The following HEMK2 variants were observed in gnomAD, a reference collection of about 807,000 sequenced individuals.
The protein encoded by HEMK2 is HemK methyltransferase 2, ETF1 glutamine and histone H4 lysine, also known as methyltransferase HEMK2.
chr21:28,882,049 T>C, the HEMK2 span: 2 of 680,622 alleles, frequency 2.9e-6, no homozygotes, highest in Non-Finnish European at 2.3e-6. Context: ...ACTTTGTACA[T>C]GGTATACTGC....
At chr21:28,854,038 T>C in the HEMK2 span, among the ~76,000 whole-genome samples, 1,283 of 152,322 alleles carry the variant, frequency 8.4e-3, 17 homozygotes, top group African/African-American at 0.029. Context: ...CACTCAGGGC[T>C]ATCTTAGCAG....
At chr21:28,797,442 C>CAA in the HEMK2 span, among the ~76,000 whole-genome samples, 1 of 127,252 alleles carries the variant, frequency 7.9e-6, no homozygotes, top group African/African-American at 3.1e-5. Context: ...CCAAAAAAAA[C>CAA]AAAAAAAAAA....
the HEMK2 span, among the ~76,000 whole-genome samples, chr21:28,642,614 A>G: frequency 1.3e-5 from 2 of 152,210 alleles, no homozygotes; most frequent in Non-Finnish European, 2.9e-5. Context: ...ATCAGGTCAC[A>G]TGAACTGTTT....
the HEMK2 span, among the ~76,000 whole-genome samples, chr21:28,711,274 A>G: frequency 6.6e-6 from 1 of 152,214 alleles, no homozygotes; most frequent in African/African-American, 2.4e-5. Flanking sequence ...TAAATAAGAA[A>G]ATATTCTATC....
At chr21:28,811,446 A>G in the HEMK2 span, among the ~76,000 whole-genome samples, 5 of 125,342 alleles carry the variant, frequency 4.0e-5, no homozygotes, top group Admixed American at 2.6e-4. Flanking sequence ...GGACGGACGC[A>G]GGGAGGGAGG....
At chr21:28,882,686 T>C in the HEMK2 span, among the ~76,000 whole-genome samples, 1 of 152,218 alleles carries the variant, frequency 6.6e-6, no homozygotes, top group African/African-American at 2.4e-5. Context: ...TTCTTCTTTA[T>C]ACTTTTCTAC....
At chr21:28,628,851 G>GCATC in the HEMK2 span, among the ~76,000 whole-genome samples, 1 of 152,330 alleles carries the variant, frequency 6.6e-6, no homozygotes, top group Non-Finnish European at 1.5e-5. Flanking sequence ...TTAGCACCCT[G>GCATC]CATCCATGTG....
At chr21:28,879,080 C>CTTTTTTTTTTTTT in the HEMK2 span, among the ~76,000 whole-genome samples, 2 of 98,652 alleles carry the variant, frequency 2.0e-5, no homozygotes, top group Admixed American at 1.3e-4. Context: ...TAGATTGTTT[C>CTTTTTTTTTTTTT]TTTTTTTTTT....
the HEMK2 span, among the ~76,000 whole-genome samples, chr21:28,699,214 G>C: frequency 6.6e-6 from 1 of 152,108 alleles, no homozygotes; most frequent in South Asian, 2.1e-4. Context: ...GTCTTAGTCT[G>C]TTTGTGTTAC....
the HEMK2 span, among the ~76,000 whole-genome samples, chr21:28,605,897 G>A: frequency 6.6e-6 from 1 of 152,086 alleles, no homozygotes; most frequent in East Asian, 1.9e-4. Flanking sequence ...ATGTTCCATT[G>A]AAGGTATCCA....
chr21:28,711,934 C>T, the HEMK2 span, among the ~76,000 whole-genome samples: 5 of 152,148 alleles, frequency 3.3e-5, no homozygotes, highest in African/African-American at 1.2e-4. Flanking sequence ...GAGGGTGAGG[C>T]AACTCTCTGA....
the HEMK2 span, among the ~76,000 whole-genome samples, chr21:28,707,695 T>C: frequency 4.6e-5 from 7 of 152,092 alleles, no homozygotes; most frequent in Non-Finnish European, 8.8e-5. Flanking sequence ...TATATATATA[T>C]AAACACACAC....
At chr21:28,823,369 T>G in the HEMK2 span, among the ~76,000 whole-genome samples, 4 of 152,212 alleles carry the variant, frequency 2.6e-5, no homozygotes, top group South Asian at 8.3e-4. Flanking sequence ...CGTTGTTTGT[T>G]GAATCTGAGC....
At chr21:28,881,871 C>G in the HEMK2 span, among the ~76,000 whole-genome samples, 1 of 152,140 alleles carries the variant, frequency 6.6e-6, no homozygotes, top group African/African-American at 2.4e-5. Context: ...CTCCTGGGCT[C>G]AAGCAATCAT....
the HEMK2 span, among the ~76,000 whole-genome samples, chr21:28,879,105 G>A: frequency 9.9e-6 from 1 of 100,730 alleles, no homozygotes; most frequent in African/African-American, 4.1e-5. Flanking sequence ...TTTTTTTAGA[G>A]ACAGGGTCTT....
At chr21:28,647,346 A>AC in the HEMK2 span, among the ~76,000 whole-genome samples, 3 of 98,524 alleles carry the variant, frequency 3.0e-5, no homozygotes, top group African/African-American at 1.4e-4. Context: ...AAAAAAAAAA[A>AC]CATACAAAAA....
At chr21:28,645,426 T>G in the HEMK2 span, among the ~76,000 whole-genome samples, 2 of 152,142 alleles carry the variant, frequency 1.3e-5, no homozygotes, top group Non-Finnish European at 2.9e-5. Flanking sequence ...TAAGAATAAT[T>G]CAAAAGTTTC....
the HEMK2 span, among the ~76,000 whole-genome samples, chr21:28,665,752 C>T: frequency 5.3e-5 from 8 of 151,604 alleles, no homozygotes; most frequent in African/African-American, 1.7e-4. Flanking sequence ...ACCCAAAGGA[C>T]TATAAATCAT....
At chr21:28,868,487 GC>G in the HEMK2 span, among the ~76,000 whole-genome samples, 1 of 152,142 alleles carries the variant, frequency 6.6e-6, no homozygotes, top group Admixed American at 6.5e-5. Context: ...TTCAAGACCA[GC>G]CTGGGCAACA....
Sources: gnomAD v4.1 joint callset for allele counts (sites outside exome capture counted in the v4.1 genomes callset) on GRCh38, gnomAD v4.1.1 for gene constraint, MANE v1.5 for transcripts, NCBI Gene and HGNC (gene_info 2026-07-23, HGNC 2026-07-21) for gene names.